The following RAB11FIP3 variants were observed in gnomAD, a reference collection of about 807,000 sequenced individuals.
RAB11FIP3 encodes rab11 family-interacting protein 3.
A neutral mutation model predicts 77.8 loss-of-function variants in RAB11FIP3; 17 were observed. The ratio of observed to expected loss-of-function variants is 0.22; its 90% CI spans 0.15 to 0.33. RAB11FIP3 has a LOEUF of 0.33. Ranked by LOEUF, RAB11FIP3 falls within the 10% of genes least tolerant of loss-of-function variation. The pLI, the probability that RAB11FIP3 is intolerant of heterozygous loss-of-function variation, is 1.00. For synonymous variants in RAB11FIP3, 437 were observed against 448.2 expected (o/e 0.98, Z 0.31); for missense variants, 1,005 against 1,011.2 (o/e 0.99, Z 0.08).
Position 505,409 on chromosome 16 carries a change from T to A in RAB11FIP3, c.1396-115T>A. 2 of 746,654 alleles carry A rather than the reference T, an allele frequency of 2.7e-6. No individual in the cohort carries two copies. Among genetic ancestry groups the A allele is most frequent in the Non-Finnish European group, 2.2e-6 (1 of 462,710 alleles). 46.3% of individuals were successfully genotyped at this position (746,654 alleles called of 1,614,324 possible). A position where few individuals can be genotyped will look rare whatever the true frequency, so the allele number is the denominator to read the frequency against. ...TGGATCCAACACCAGCCTAGCTAGG[T>A]GGATCTGATTCTGTGCTGAGAAAAT... is the stretch of plus-strand genomic sequence containing the variant. On this transcript the variant is annotated intron_variant, in intron 7 of 13. Coordinates refer to ENST00000262305, the MANE Select transcript of RAB11FIP3 (RefSeq NM_014700.4). The surrounding 1 kb of genome is among the most constrained non-coding windows in gnomAD (Gnocchi z 4.0).
chr16:427,821 C>CG (rs2054975261), intron 1 of RAB11FIP3, among the ~76,000 whole-genome samples: 1 of 152,116 alleles, frequency 6.6e-6, no homozygotes, highest in South Asian at 2.1e-4. Flanking sequence ...CCTTGATGGT[C>CG]GGGCGCGGTG....
chr16:459,903 A>C (rs1365495428), intron 1 of RAB11FIP3, among the ~76,000 whole-genome samples: 1 of 138,482 alleles, frequency 7.2e-6, no homozygotes, highest in African/African-American at 2.7e-5. Context: ...TTTGAGACAG[A>C]GTCTCATTCA....
chr16:475,242 G>A (rs999032701), intron 3 of RAB11FIP3: 9 of 972,808 alleles, frequency 9.3e-6, no homozygotes, highest in East Asian at 6.0e-5. Context: ...TTCTCTGTCC[G>A]CTGGTGATTT....
intron 4 of RAB11FIP3, among the ~76,000 whole-genome samples, chr16:485,610 A>G (rs143974324): frequency 0.011 from 1,733 of 152,226 alleles, 37 homozygotes; most frequent in African/African-American, 0.04. Flanking sequence ...ACAGTGTTTC[A>G]CCATCTTGCC....
chr16:477,186 A>G, intron 3 of RAB11FIP3, among the ~76,000 whole-genome samples: 1 of 151,314 alleles, frequency 6.6e-6, no homozygotes, highest in South Asian at 2.1e-4. Context: ...CCTGGGAGGC[A>G]GAGGTTGCAG....
chr16:483,259 A>G (rs982410909), intron 4 of RAB11FIP3, among the ~76,000 whole-genome samples: 1 of 152,228 alleles, frequency 6.6e-6, no homozygotes, highest in Non-Finnish European at 1.5e-5. Context: ...AAGTCCGCTC[A>G]GCACGCTGAA....
At chr16:492,476 GCCCAGGGCCC>G (rs1567392437) in intron 5 of RAB11FIP3, among the ~76,000 whole-genome samples, 1,807 of 106,920 alleles carry the variant, frequency 0.017, 138 homozygotes, top group Middle Eastern at 0.035. Context: ...ACCCGAGGCC[GCCCAGGGCCC>G]TCCCGGGAGA....
At chr16:517,332 G>A (rs1369858080) in intron 9 of RAB11FIP3, among the ~76,000 whole-genome samples, 3 of 152,164 alleles carry the variant, frequency 2.0e-5, no homozygotes, top group Non-Finnish European at 4.4e-5. Flanking sequence ...TCTTTGGGAG[G>A]CTGAGGCTGT....
At chr16:486,228 G>A (rs957834186) in intron 4 of RAB11FIP3, among the ~76,000 whole-genome samples, 11 of 152,108 alleles carry the variant, frequency 7.2e-5, no homozygotes, top group Non-Finnish European at 1.5e-4. Flanking sequence ...TCTTGGTGGG[G>A]CATGCCTGTA....
Position 503,088 on chromosome 16 carries a change from T to G in RAB11FIP3, c.1386T>G (p.Ile462Met). 6.2e-7 allele frequency: 1 copy of G among 1,611,318 alleles called. No individual in the cohort carries two copies. The highest frequency in any genetic ancestry group is 8.5e-7 in the Non-Finnish European group (1 of 1,178,366). ...PELMEGPEED[I>M]ADKVVFLERR... The stretch of plus-strand genomic sequence containing the variant: ...TCATGGAGGGCCCAGAGGAGGACAT[T>G]GCTGACAAGGTAGGCCCTGGAGGGC... The change falls in exon 7 of 14, where the codon ATT (isoleucine) becomes ATG (methionine). Residue 462 changes from isoleucine (I) to methionine (M), a missense_variant. Ile to Met is a conservative substitution (Grantham distance 10). Around this residue, in one of 4 missense-constraint regions of RAB11FIP3, gnomAD observed 433 missense variants for 436.1 expected, o/e 0.99. Transcript: ENST00000262305.
chr16:521,175 C>A lies in RAB11FIP3; in HGVS notation c.*336C>A. The A allele has an allele frequency of 2.7e-6, 1 of 369,352 alleles. No homozygotes were observed. Among genetic ancestry groups the A allele is most frequent in the East Asian group, 5.3e-5 (1 of 18,936 alleles). 22.9% of individuals were successfully genotyped at this position (369,352 alleles called of 1,614,324 possible). On this transcript the variant is annotated 3_prime_UTR_variant, in exon 14 of 14. Coordinates refer to ENST00000262305, the MANE Select transcript of RAB11FIP3 (RefSeq NM_014700.4). ...CATGAACGCGTACACTTCAGTTCAG[C>A]AGGATGGGCTGGAGAGCCTCTCTGT... is the stretch of plus-strand genomic sequence containing the variant.
intron 1 of RAB11FIP3, among the ~76,000 whole-genome samples, chr16:458,116 C>T (rs1213420875): frequency 6.6e-6 from 1 of 152,240 alleles, no homozygotes; most frequent in Non-Finnish European, 1.5e-5. Flanking sequence ...TTAGCTGGGG[C>T]TGGCCCTGTT....
intron 1 of RAB11FIP3, among the ~76,000 whole-genome samples, chr16:443,087 A>C (rs189131937): frequency 6.6e-6 from 1 of 152,234 alleles, no homozygotes; most frequent in Non-Finnish European, 1.5e-5. Flanking sequence ...TGGTGATTTA[A>C]TTTTTAAGAA....
chr16:432,791 A>G (rs571837151), intron 1 of RAB11FIP3, among the ~76,000 whole-genome samples: 1 of 151,488 alleles, frequency 6.6e-6, no homozygotes, highest in Non-Finnish European at 1.5e-5. Context: ...TTTTTAATAG[A>G]GATGGGGTTT....
intron 9 of RAB11FIP3, among the ~76,000 whole-genome samples, chr16:512,302 G>A (rs897797689): frequency 6.6e-6 from 1 of 152,058 alleles, no homozygotes; most frequent in East Asian, 1.9e-4. Flanking sequence ...GTGCAGTGGC[G>A]CGATCTCGGC....
At chr16:466,954 CA>C (rs1446927818) in intron 2 of RAB11FIP3, among the ~76,000 whole-genome samples, 1 of 152,156 alleles carries the variant, frequency 6.6e-6, no homozygotes, top group South Asian at 2.1e-4. Flanking sequence ...GAGGTGGCTG[CA>C]GCCGAGGGAG....
At chr16:482,270 G>A in intron 3 of RAB11FIP3, 1 of 646,876 alleles carries the variant, frequency 1.5e-6, no homozygotes, top group East Asian at 2.9e-5. Flanking sequence ...TGGCCAGGCT[G>A]GTCTTGAGCT....
rs1223050573 is a variant in RAB11FIP3, at chr16:507,815, A to T, written c.1499+2188A>T. Among the ~76,000 whole-genome samples the T allele has an allele frequency of 6.6e-6, 1 of 151,628 alleles. No homozygotes were observed. The highest frequency in any genetic ancestry group is 1.9e-4 in the East Asian group (1 of 5,190). On this transcript the variant is annotated intron_variant, in intron 8 of 13. Transcript: ENST00000262305. This position sits in a 1 kb window ranked among gnomAD's most constrained non-coding sequence, Gnocchi z 4.6. ...GCCCTACCATACAGCTGCCATCCTA[A>T]GAGTACGTTTCCCGTTTTCAGTATC...
Position 505,721 on chromosome 16 carries a change from G to C in RAB11FIP3, c.1499+94G>C. The stretch of plus-strand genomic sequence containing the variant: ...ACTTCTCTTTACCTCACACAGCAGG[G>C]GCTTGGCCACCCGTCCATCCCCGTT... On this transcript the variant is annotated intron_variant, in intron 8 of 13. Transcript: ENST00000262305. This position sits in a 1 kb window ranked among gnomAD's most constrained non-coding sequence, Gnocchi z 4.0. 1.8e-6 allele frequency: 2 copies of C among 1,110,796 alleles called. No homozygotes were observed. Among genetic ancestry groups the C allele is most frequent in the South Asian group, 3.0e-5 (2 of 66,976 alleles). The allele number at this position is 1,110,796 out of a possible 1,614,324, so 68.8% of individuals were successfully genotyped here. A position where few individuals can be genotyped will look rare whatever the true frequency, so the allele number is the denominator to read the frequency against.
Sources: allele counts gnomAD v4.1 joint callset (sites outside exome capture counted in the v4.1 genomes callset), GRCh38; gene constraint gnomAD v4.1.1; regional missense constraint gnomAD v4.1.1; non-coding constraint Gnocchi (gnomAD v3.1); transcripts MANE v1.5; gene names NCBI Gene and HGNC (gene_info 2026-07-23, HGNC 2026-07-21).